TVP23C: variants seen among roughly 807,000 people sequenced by gnomAD.
The protein encoded by TVP23C is Golgi apparatus membrane protein TVP23 homolog C.
TVP23C carries 19 observed loss-of-function variants against 28.7 expected under a neutral mutation model. The observed-to-expected ratio is 0.66, with a 90% CI of 0.46 to 0.97. TVP23C has a LOEUF of 0.97. Ranked by LOEUF, TVP23C falls within the 50% of genes least tolerant of loss-of-function variation. The probability of loss-of-function intolerance (pLI) is 0.00; values close to 1 mark genes in which losing one functional copy is unlikely to be tolerated. For missense variants in TVP23C, 186 were observed against 241.3 expected (o/e 0.77, Z 1.52); for synonymous variants, 68 against 81.7 (o/e 0.83, Z 0.90).
Position 15,560,026 on chromosome 17 carries a change from ATAAG to A in TVP23C, c.12+3407_12+3410del, listed in dbSNP as rs1984307794. Among the ~76,000 whole-genome samples, 3 of 149,558 alleles carry A rather than the reference ATAAG, an allele frequency of 2.0e-5. No individual in the cohort carries two copies. In the South Asian group the frequency reaches 6.5e-4, roughly 32 times the overall value. ...CCATCATCTGTGTCAAATGCTACTC[ATAAG>A]TAAGATGAAAACCAAAGAGAGACCA... On this transcript the variant is annotated intron_variant, in intron 1 of 5. Transcript: ENST00000518321.
At position 15,537,863 on chromosome 17, in the gene TVP23C, G is replaced by A. The variant is rs560111226; in HGVS notation, c.*2549C>T. ...ATATACAGGTATTACATGGCCGTGT[G>A]CATACCTATGGAATGTGCATACCTA... On this transcript the variant is annotated 3_prime_UTR_variant, in exon 6 of 6. Coordinates refer to ENST00000518321, the MANE Select transcript of TVP23C (RefSeq NM_001135036.2). 19 of 1,342,520 alleles carry A rather than the reference G, an allele frequency of 1.4e-5. No individual in the cohort carries two copies. Among genetic ancestry groups the A allele is most frequent in the South Asian group, 4.1e-5 (2 of 48,594 alleles). 83.2% of individuals were successfully genotyped at this position (1,342,520 alleles called of 1,614,324 possible).
chr17:15,554,299 G>T (rs7209359), intron 2 of TVP23C, among the ~76,000 whole-genome samples: 1 of 147,612 alleles, frequency 6.8e-6, no homozygotes, highest in African/African-American at 2.5e-5. Context: ...GTTTGGTGGC[G>T]CAATCTCGGC....
intron 5 of TVP23C, among the ~76,000 whole-genome samples, chr17:15,509,778 G>C (rs1482611751): frequency 6.6e-6 from 1 of 152,190 alleles, no homozygotes; most frequent in Non-Finnish European, 1.5e-5. Context: ...CCCTATCAGG[G>C]AGACCCCTCT....
chr17:15,547,936 T>TA (rs1235123631), intron 3 of TVP23C, among the ~76,000 whole-genome samples: 1 of 152,168 alleles, frequency 6.6e-6, no homozygotes, highest in Non-Finnish European at 1.5e-5. Context: ...TGTCCACTAA[T>TA]AGATTCAGTG....
intron 5 of TVP23C, chr17:15,503,349 G>A: frequency 1.6e-6 from 2 of 1,279,236 alleles, no homozygotes; most frequent in Non-Finnish European, 1.0e-6. Flanking sequence ...AAGCTGCAAT[G>A]AGCTGTGACC....
intron 5 of TVP23C, 30 bp downstream of exon 5, chr17:15,545,755 A>C (rs772522801): frequency 6.3e-7 from 1 of 1,595,388 alleles, no homozygotes; most frequent in Admixed American, 1.8e-5. Flanking sequence ...ATCTTAATGG[A>C]TTATTTGAAA....
At chr17:15,549,683 A>C (rs1286970364) in intron 3 of TVP23C, among the ~76,000 whole-genome samples, 2 of 152,048 alleles carry the variant, frequency 1.3e-5, no homozygotes, top group Non-Finnish European at 2.9e-5. Context: ...TTGTCTCAAA[A>C]AAAAAAAAAA....
exon 6 of TVP23C, chr17:15,502,759 T>A: frequency 7.1e-7 from 1 of 1,399,764 alleles, no homozygotes; most frequent in African/African-American, 1.5e-5. Flanking sequence ...CGTCTCTTTC[T>A]CTCCTTCTCC....
intron 5 of TVP23C, among the ~76,000 whole-genome samples, chr17:15,541,256 G>C (rs926573251): frequency 6.6e-6 from 1 of 152,164 alleles, no homozygotes; most frequent in African/African-American, 2.4e-5. Flanking sequence ...GAAAAATTGA[G>C]ACAATGTGAG....
intron 1 of TVP23C, among the ~76,000 whole-genome samples, chr17:15,561,665 T>C (rs1377759609): frequency 6.6e-6 from 1 of 151,982 alleles, no homozygotes; most frequent in African/African-American, 2.4e-5. Context: ...AATAAATAAA[T>C]AGTGGGAACA....
rs1984475642 is a variant in TVP23C at position 15,563,103 on chromosome 17, G to A, written c.12+334C>T. The A allele has an allele frequency of 3.2e-5, 13 of 412,580 alleles. No homozygotes were observed. In the South Asian group the frequency reaches 5.5e-4, roughly 17 times the overall value. The allele number at this position is 412,580 out of a possible 1,614,324, so 25.6% of individuals were successfully genotyped here. ...GATAGCATCGCACCCCTGGGTGTCAGGAAGCTAAGAGGCCCGCAGGCCGCT... is the reference window on the plus strand; with the variant it reads ...GATAGCATCGCACCCCTGGGTGTCAAGAAGCTAAGAGGCCCGCAGGCCGCT... On this transcript the variant is annotated intron_variant, in intron 1 of 5. Coordinates refer to ENST00000518321, the MANE Select transcript of TVP23C (RefSeq NM_001135036.2).
chr17:15,557,938 A>C (rs899629288), intron 1 of TVP23C, among the ~76,000 whole-genome samples: 2 of 147,292 alleles, frequency 1.4e-5, no homozygotes, highest in Non-Finnish European at 3.0e-5. Flanking sequence ...TAAGTGATGG[A>C]TGCGAGAAGC....
At chr17:15,506,733 G>A (rs550402024) in intron 5 of TVP23C, 19 of 365,146 alleles carry the variant, frequency 5.2e-5, no homozygotes, top group African/African-American at 6.3e-5. Context: ...AAGAAACTCC[G>A]AACACATCCG....
At chr17:15,503,084 G>T in exon 6 of TVP23C, 2 of 1,614,172 alleles carry the variant, frequency 1.2e-6, no homozygotes, top group Non-Finnish European at 1.7e-6. Context: ...CCTCGTGAAA[G>T]AATTAATGTC....
downstream of TVP23C, among the ~76,000 whole-genome samples, chr17:15,534,608 C>T (rs887310): frequency 1.2e-3 from 173 of 148,038 alleles, no homozygotes; most frequent in African/African-American, 3.6e-3. Flanking sequence ...CACACACACA[C>T]ACACCCTTAC....
downstream of TVP23C, among the ~76,000 whole-genome samples, chr17:15,535,116 T>C (rs1311776095): frequency 1.2e-4 from 18 of 150,196 alleles, no homozygotes; most frequent in African/African-American, 4.2e-4. Context: ...AATGAAATGA[T>C]TAAAGTGTCA....
chr17:15,557,674 G>A (rs1015453430), intron 1 of TVP23C, among the ~76,000 whole-genome samples: 16 of 141,612 alleles, frequency 1.1e-4, no homozygotes, highest in Admixed American at 1.1e-3. Flanking sequence ...TTTGTTGAAG[G>A]CATGAGTAAA....
Position 15,538,732 on chromosome 17 carries a change from C to CAGGTTTA in TVP23C, c.*1673_*1679dup. On this transcript the variant is annotated 3_prime_UTR_variant, in exon 6 of 6. Transcript: ENST00000518321. ...GACACTAACCCTATCCATGTTATGC[C>CAGGTTTA]AGGTTTAAGGTTTAATTTCACCTGT... is the stretch of plus-strand genomic sequence containing the variant. 1 of 985,394 alleles carries CAGGTTTA rather than the reference C, an allele frequency of 1.0e-6. No individual in the cohort carries two copies. Among genetic ancestry groups the CAGGTTTA allele is most frequent in the Non-Finnish European group, 1.2e-6 (1 of 829,930 alleles). The allele number at this position is 985,394 out of a possible 1,614,324, so 61.0% of individuals were successfully genotyped here. A position where few individuals can be genotyped will look rare whatever the true frequency, so the allele number is the denominator to read the frequency against.
chr17:15,556,964 A>G (rs1296320388), intron 1 of TVP23C, among the ~76,000 whole-genome samples: 1 of 151,104 alleles, frequency 6.6e-6, no homozygotes, highest in South Asian at 2.1e-4. Flanking sequence ...CACTGTCTTC[A>G]TTGAGCACTG....
Sources: allele counts gnomAD v4.1 joint callset (sites outside exome capture counted in the v4.1 genomes callset), GRCh38; gene constraint gnomAD v4.1.1; transcripts MANE v1.5; gene names NCBI Gene and HGNC (gene_info 2026-07-23, HGNC 2026-07-21).